Variants in WWP1 observed in about 807,000 individuals in gnomAD.
WWP1 encodes the protein WW domain containing E3 ubiquitin protein ligase 1, also known as NEDD4-like E3 ubiquitin-protein ligase WWP1.
A neutral mutation model predicts 130.6 loss-of-function variants in WWP1; 49 were observed. The observed-to-expected ratio is 0.38, with a 90% CI of 0.30 to 0.48. The LOEUF (loss-of-function observed/expected upper bound fraction) is 0.48, where lower values mean the gene tolerates loss of function less well. WWP1 is among the 20% of genes least tolerant of loss of function. The pLI is 0.99. For missense variants in WWP1, 809 were observed against 1,100.6 expected, an observed-to-expected ratio of 0.74 and a Z score of 3.75; for synonymous variants, 332 against 367.8, an observed-to-expected ratio of 0.90 and a Z score of 1.11.
chr8:86,435,113 C>A (rs1014670448), intron 14 of WWP1, among the ~76,000 whole-genome samples: 1 of 152,214 alleles, frequency 6.6e-6, no homozygotes, highest in African/African-American at 2.4e-5. Context: ...TTTCCTTCCA[C>A]GTCTCTTCTG....
intron 14 of WWP1, among the ~76,000 whole-genome samples, chr8:86,433,128 C>T (rs925220215): frequency 1.3e-5 from 2 of 152,130 alleles, no homozygotes; most frequent in Non-Finnish European, 2.9e-5. Context: ...ATTTCTCTCT[C>T]CTGGCAAAAG....
At chr8:86,445,430 G>C (rs1346859726) in intron 18 of WWP1, among the ~76,000 whole-genome samples, 1 of 152,092 alleles carries the variant, frequency 6.6e-6, no homozygotes, top group Non-Finnish European at 1.5e-5. Context: ...CCACCTGTAC[G>C]TAAGAACATG....
chr8:86,369,491 T>C lies in WWP1; in HGVS notation c.-22+460T>C, dbSNP rs138152768. Among the ~76,000 whole-genome samples the C allele has an allele frequency of 4.6e-5, 7 of 152,154 alleles. No homozygotes were observed. The East Asian group carries it at 7.7e-4, about 17-fold the overall frequency. ...TATATAGAATAAAGAGAAAAATAGA[T>C]TGGGGGTGGGGATCAGGGTACAGAG... On this transcript the variant is annotated intron_variant, in intron 2 of 24. Transcript: ENST00000517970.
chr8:86,365,507 T>C (rs1823919049), intron 1 of WWP1, among the ~76,000 whole-genome samples: 1 of 152,216 alleles, frequency 6.6e-6, no homozygotes, highest in Non-Finnish European at 1.5e-5. Flanking sequence ...CTGGTAGATA[T>C]TGCAAGTACT....
At chr8:86,348,786 AG>A (rs1383465544) in intron 1 of WWP1, among the ~76,000 whole-genome samples, 1 of 152,224 alleles carries the variant, frequency 6.6e-6, no homozygotes. Flanking sequence ...ACAAGGAACC[AG>A]GTGAGTGTTG....
At chr8:86,390,078 A>G (rs1272886094) in intron 5 of WWP1, among the ~76,000 whole-genome samples, 1 of 137,600 alleles carries the variant, frequency 7.3e-6, no homozygotes, top group South Asian at 2.4e-4. Flanking sequence ...GGGCAGAGGC[A>G]CTCCTCACAT....
chr8:86,395,596 C>T (rs1807616219), intron 5 of WWP1, among the ~76,000 whole-genome samples: 2 of 152,166 alleles, frequency 1.3e-5, no homozygotes, highest in African/African-American at 4.8e-5. Flanking sequence ...CTGCTTTGCT[C>T]ATTTCCTTCA....
chr8:86,441,161 A>T (rs1427093305), intron 17 of WWP1, among the ~76,000 whole-genome samples: 2 of 152,198 alleles, frequency 1.3e-5, no homozygotes, highest in Non-Finnish European at 2.9e-5. Flanking sequence ...TGTTTGCTAA[A>T]AATTATCTGA....
Position 86,461,213 on chromosome 8 carries a change from T to C in WWP1, c.2500-11T>C. The C allele has an allele frequency of 6.2e-7, 1 of 1,609,598 alleles. No individual in the cohort carries two copies. On this transcript the variant is annotated splice_polypyrimidine_tract_variant and intron_variant, in intron 22 of 24. Coordinates refer to ENST00000517970, the MANE Select transcript of WWP1 (RefSeq NM_007013.4). ...GCATTTCATATTAAAGTACATTTAATTTCATTACAGTTTGTGAAAGAGACA... is the reference window on the plus strand; with the variant it reads ...GCATTTCATATTAAAGTACATTTAACTTCATTACAGTTTGTGAAAGAGACA...
At chr8:86,441,374 T>C (rs10096443) in intron 17 of WWP1, among the ~76,000 whole-genome samples, 95,160 of 152,084 alleles carry the variant, frequency 0.63, 30,595 homozygotes, top group African/African-American at 0.76. Flanking sequence ...GTTGAGGACT[T>C]CCTTCTCTAC....
At chr8:86,393,509 C>T (rs1028406515) in intron 5 of WWP1, among the ~76,000 whole-genome samples, 1 of 152,016 alleles carries the variant, frequency 6.6e-6, no homozygotes, top group African/African-American at 2.4e-5. Flanking sequence ...TCCCAAAGTG[C>T]TGGGATTACA....
At chr8:86,463,452 G>A (rs1231938790) in intron 24 of WWP1, among the ~76,000 whole-genome samples, 3 of 151,736 alleles carry the variant, frequency 2.0e-5, no homozygotes, top group East Asian at 3.9e-4. Flanking sequence ...GATTATAGGC[G>A]CGCACCACCA....
intron 14 of WWP1, among the ~76,000 whole-genome samples, chr8:86,432,483 A>G (rs1442632423): frequency 2.0e-5 from 3 of 151,612 alleles, no homozygotes; most frequent in Admixed American, 6.6e-5. Flanking sequence ...GTGTTGCATT[A>G]TCAGGTTTTA....
intron 3 of WWP1, among the ~76,000 whole-genome samples, chr8:86,375,583 T>G (rs1824594037): frequency 6.6e-6 from 1 of 152,242 alleles, no homozygotes; most frequent in Non-Finnish European, 1.5e-5. Context: ...TTTACAGTAT[T>G]ATTCTGGAGT....
At chr8:86,456,784 T>C (rs1295934538) in intron 21 of WWP1, among the ~76,000 whole-genome samples, 15 of 151,986 alleles carry the variant, frequency 9.9e-5, no homozygotes, top group Admixed American at 9.8e-4. Context: ...TATGAACTAC[T>C]GGTTCCAACA....
At chr8:86,449,264 T>G (rs947869830) in intron 20 of WWP1, among the ~76,000 whole-genome samples, 2 of 152,262 alleles carry the variant, frequency 1.3e-5, no homozygotes, top group African/African-American at 4.8e-5. Context: ...CTGTTAAAGT[T>G]ATATCTGAAC....
At position 86,370,855 on chromosome 8, in the gene WWP1, C is replaced by CTTTTTTTTTTTTTTTT. The variant is rs555585296; in HGVS notation, c.-22+1837_-22+1852dup. Among the ~76,000 whole-genome samples the CTTTTTTTTTTTTTTTT allele has an allele frequency of 2.9e-4, 13 of 44,862 alleles. 3 individuals carry two copies. Among genetic ancestry groups the CTTTTTTTTTTTTTTTT allele is most frequent in the African/African-American group, 5.2e-4 (5 of 9,634 alleles). 29.4% of individuals were successfully genotyped at this position (44,862 alleles called of 152,430 possible). A position where few individuals can be genotyped will look rare whatever the true frequency, so the allele number is the denominator to read the frequency against. On this transcript the variant is annotated intron_variant, in intron 2 of 24. Transcript: ENST00000517970. ...GGTATTGCTTATAGCTATATTCATT[C>CTTTTTTTTTTTTTTTT]TTTTTTTTTTTTTTTTTTTTTTTTT...
intron 5 of WWP1, among the ~76,000 whole-genome samples, chr8:86,390,636 T>G (rs1807263189): frequency 7.0e-6 from 1 of 143,416 alleles, no homozygotes; most frequent in South Asian, 2.3e-4. Flanking sequence ...TGAACCGAGA[T>G]GGCGGCAGCA....
chr8:86,396,690 C>CT (rs1807692812), intron 5 of WWP1, among the ~76,000 whole-genome samples: 2 of 151,584 alleles, frequency 1.3e-5, no homozygotes, highest in Admixed American at 1.3e-4. Flanking sequence ...AACTCCTGGG[C>CT]TTACAGGATC....
Sources: allele counts gnomAD v4.1 joint callset (sites outside exome capture counted in the v4.1 genomes callset), GRCh38; gene constraint gnomAD v4.1.1; transcripts MANE v1.5; gene names NCBI Gene and HGNC (gene_info 2026-07-23, HGNC 2026-07-21).